The following ALOX12 variants were observed in gnomAD, a reference collection of about 807,000 sequenced individuals.
ALOX12 encodes the protein polyunsaturated fatty acid lipoxygenase ALOX12.
Under a neutral mutation model 85.5 loss-of-function variants are expected in ALOX12, and 62 were observed. The ratio of observed to expected loss-of-function variants is 0.73; its 90% CI spans 0.59 to 0.90. The LOEUF is 0.90. ALOX12 is among the 40% of genes least tolerant of loss of function. ALOX12 has a pLI of 0.00. For missense variants in ALOX12, 751 were observed against 856.5 expected, an observed-to-expected ratio of 0.88 and a Z score of 1.54; for synonymous variants, 299 against 332.7, an observed-to-expected ratio of 0.90 and a Z score of 1.10.
chr17:6,996,732 A>G, intron 1 of ALOX12, 94 bp from the exon 2 acceptor site: 1 of 1,419,760 alleles, frequency 7.0e-7, no homozygotes, highest in South Asian at 1.4e-5. Context: ...GGAGGCCCTG[A>G]GAAACTGAGG....
At chr17:7,009,386 G>C (rs1909271361) in intron 11 of ALOX12, 1 of 216,234 alleles carries the variant, frequency 4.6e-6, no homozygotes, top group African/African-American at 2.3e-5. Context: ...ACCACTTTTT[G>C]AGGCAAGGGA....
rs1421186481 is a variant in ALOX12 at position 6,999,018 on chromosome 17, T to C, written c.608T>C (p.Phe203Ser). The C allele has an allele frequency of 6.2e-7, 1 of 1,614,012 alleles. No individual in the cohort carries two copies. The highest frequency in any genetic ancestry group is 2.2e-5 in the East Asian group (1 of 44,856). Reference sequence around the variant, plus strand: ...AGCTCCTGGAACTGCCTAGAAGACTTTGATCAGATCTTCTGGGGCCAGAAG... The same window carrying C: ...AGCTCCTGGAACTGCCTAGAAGACTCTGATCAGATCTTCTGGGGCCAGAAG... ...LLSSWNCLED[F>S]DQIFWGQKSA... Residue 203 changes from phenylalanine (F) to serine (S), a missense_variant, in exon 5 of 14, where the codon TTT (phenylalanine) becomes TCT (serine). By Grantham distance (155) the Phe-to-Ser change is radical. Transcript: ENST00000251535.
At chr17:7,003,470 A>G (rs912804070) in intron 8 of ALOX12, among the ~76,000 whole-genome samples, 1 of 152,162 alleles carries the variant, frequency 6.6e-6, no homozygotes, top group South Asian at 2.1e-4. Context: ...TCTGTCACCC[A>G]GGCTGGAGTC....
rs1908600750 is a variant in ALOX12 at position 6,999,401 on chromosome 17, C to T, written c.742C>T (p.Pro248Ser). 3 of 1,614,066 alleles carry T rather than the reference C, an allele frequency of 1.9e-6. No individual in the cohort carries two copies. The highest frequency in any genetic ancestry group is 1.3e-5 in the African/African-American group (1 of 74,930). ...GCTGTTGAGACGCTCGACCTCTCTG[C>T]CCTCCAGGCTAGTGCTGCCCTCGGG... ...PMLLRRSTSL[P>S]SRLVLPSGME... Residue 248 changes from proline to serine, a missense_variant, in exon 6 of 14, where the codon CCC becomes TCC. Physicochemically the swap from Pro to Ser is moderately conservative, Grantham distance 74. Transcript: ENST00000251535.
intron 7 of ALOX12, chr17:7,001,139 T>TG (rs1908689540): frequency 6.1e-6 from 1 of 163,878 alleles, no homozygotes; most frequent in African/African-American, 2.4e-5. Flanking sequence ...TTTGTAGAGA[T>TG]GGGGTTTCGC....
At position 6,999,053 on chromosome 17, in the gene ALOX12, G is replaced by C. The variant is rs761601142; in HGVS notation, c.643G>C (p.Ala215Pro). Residue 215 changes from alanine to proline, a missense_variant, in exon 5 of 14, where the codon GCT becomes CCT. Physicochemically the swap from Ala to Pro is conservative, Grantham distance 27. Transcript: ENST00000251535. ...QIFWGQKSAL[A>P]EKVRQCWQDD... The stretch of plus-strand genomic sequence containing the variant: ...CTTCTGGGGCCAGAAGAGTGCCCTG[G>C]CTGGTCAGTGGTTCCCCGAGGTCTC... 1 of 1,613,532 alleles carries C rather than the reference G, an allele frequency of 6.2e-7. No individual in the cohort carries two copies. The highest frequency in any genetic ancestry group is 2.2e-5 in the East Asian group (1 of 44,866).
In ALOX12 at chr17:7,000,952, CTTTT is replaced by C. The variant is rs35418388; in HGVS notation, c.951+482_951+485del. Among the ~76,000 whole-genome samples, 1 of 149,026 alleles carries C rather than the reference CTTTT, an allele frequency of 6.7e-6. No homozygotes were observed. Among genetic ancestry groups the C allele is most frequent in the South Asian group, 2.1e-4 (1 of 4,764 alleles). ...TCTTGAATATCTTTTCTCGCAATTTCTTTTTTTTTTTTGAGACAGAATCTCACTG... is the reference window on the plus strand; with the variant it reads ...TCTTGAATATCTTTTCTCGCAATTTCTTTTTTTTGAGACAGAATCTCACTG... On this transcript the variant is annotated intron_variant, in intron 7 of 13. Transcript: ENST00000251535. This position sits in a 1 kb window ranked among gnomAD's most constrained non-coding sequence, Gnocchi z 4.6.
At chr17:7,002,374 G>A (rs1908751514) in intron 8 of ALOX12, 1 of 408,468 alleles carries the variant, frequency 2.4e-6, no homozygotes, top group Admixed American at 3.1e-5. Flanking sequence ...AAAACGTAGT[G>A]AAGGGAGGAA....
At chr17:6,999,176 A>C in intron 5 of ALOX12, 120 bp downstream of exon 5, 1 of 1,466,142 alleles carries the variant, frequency 6.8e-7, no homozygotes, top group Non-Finnish European at 9.4e-7. Flanking sequence ...GTCAACTCAG[A>C]GAGGCCTTGA....
chr17:7,008,064 ACT>A (rs1158907656), intron 11 of ALOX12, among the ~76,000 whole-genome samples: 6 of 152,062 alleles, frequency 3.9e-5, no homozygotes, highest in African/African-American at 1.4e-4. Flanking sequence ...GCAAGCTAGC[ACT>A]CTGTCCTCTG....
chr17:7,010,013 A>G lies in ALOX12; in HGVS notation c.1699A>G (p.Thr567Ala), dbSNP rs560852503. Residue 567 changes from threonine (T) to alanine (A), a missense_variant, in exon 13 of 14, where the codon ACC becomes GCC. Physicochemically the swap from Thr to Ala is moderately conservative, Grantham distance 58 (BLOSUM62 0). Transcript: ENST00000251535. Reference protein sequence around the residue: ...APCTMRMPPPTTKEDVTMATV... With the variant: ...APCTMRMPPPATKEDVTMATV... ...ATGCACAATGCGGATGCCCCCACCC[A>G]CCACCAAGGAAGATGTGACGATGGC... 4.3e-6 allele frequency: 7 copies of G among 1,614,076 alleles called. No individual in the cohort carries two copies. The highest frequency in any genetic ancestry group is 3.3e-5 in the Admixed American group (2 of 60,004).
chr17:7,001,864 AG>A (rs1250369474), intron 8 of ALOX12, 53 bp downstream of exon 8: 3 of 1,504,142 alleles, frequency 2.0e-6, no homozygotes, highest in Non-Finnish European at 2.8e-6. Flanking sequence ...AGAGAGGAAC[AG>A]CCCCATATCA....
rs1013309180 is a variant in ALOX12 at position 6,999,227 on chromosome 17, C to A, written c.647-79C>A. 9.4e-6 allele frequency: 15 copies of A among 1,587,940 alleles called. No individual in the cohort carries two copies. In the East Asian group the frequency reaches 3.1e-4, roughly 33 times the overall value. On this transcript the variant is annotated intron_variant, in intron 5 of 13. Coordinates refer to ENST00000251535, the MANE Select transcript of ALOX12 (RefSeq NM_000697.3). ...AGCTGGGTTCAGGGAGGGTTATATA[C>A]CTGAACCCCTGGGGTAGATTTTGGA...
At position 7,009,844 on chromosome 17, in the gene ALOX12, C is replaced by T. The variant is rs1400321159; in HGVS notation, c.1638C>T (p.Gly546=). 13 of 1,614,028 alleles carry T rather than the reference C, an allele frequency of 8.1e-6. No homozygotes were observed. In the Admixed American group the frequency reaches 2.0e-4, roughly 25 times the overall value. The part of the protein sequence containing the change: ...CTAQHAAINQ[G]QLDWYAWVPN... Reference sequence around the variant, plus strand: ...CCCAGCATGCCGCCATCAACCAGGGCCAGGTATGGACAGCTGAAAGCCCAG... The same window carrying T: ...CCCAGCATGCCGCCATCAACCAGGGTCAGGTATGGACAGCTGAAAGCCCAG... Residue 546 remains glycine (G), a synonymous_variant, in exon 12 of 14, where the codon GGC becomes GGT. Transcript: ENST00000251535.
rs750978849 is a variant in ALOX12, at chr17:6,996,814, C to T, written c.136-12C>T. 44 of 1,605,676 alleles carry T rather than the reference C, an allele frequency of 2.7e-5. No homozygotes were observed. Among genetic ancestry groups the T allele is most frequent in the Non-Finnish European group, 3.7e-5 (44 of 1,173,836 alleles). On this transcript the variant is annotated splice_polypyrimidine_tract_variant and intron_variant, in intron 1 of 13. Transcript: ENST00000251535. Reference sequence around the variant, plus strand: ...CCTCCTACTAAGTCTGGCCTGGGTCCGGCCTGCACAGGAGGAGGAGTTTGA... The same window carrying T: ...CCTCCTACTAAGTCTGGCCTGGGTCTGGCCTGCACAGGAGGAGGAGTTTGA...
Position 7,010,101 on chromosome 17 carries a change from A to G in ALOX12, c.1787A>G (p.His596Arg). The change falls in exon 13 of 14, where the codon CAT (histidine) becomes CGT (arginine). Residue 596 changes from histidine to arginine, a missense_variant. Coordinates refer to ENST00000251535, the MANE Select transcript of ALOX12 (RefSeq NM_000697.3). ...TGTCTTCAAATGGCCATCTCATGGC[A>G]TCTGAGTCGCCGCCAGCCAGACATG... ...QACLQMAISW[H>R]LSRRQPDMVP... 1.2e-6 allele frequency: 2 copies of G among 1,613,160 alleles called. No individual in the cohort carries two copies. The highest frequency in any genetic ancestry group is 1.7e-6 in the Non-Finnish European group (2 of 1,179,380).
chr17:6,997,889 G>A (rs1484836533), intron 2 of ALOX12, among the ~76,000 whole-genome samples: 1 of 152,072 alleles, frequency 6.6e-6, no homozygotes, highest in Non-Finnish European at 1.5e-5. Flanking sequence ...CATGGGTAAT[G>A]AGTAAAAGAG....
chr17:7,003,520 G>C (rs1908815552), intron 8 of ALOX12, among the ~76,000 whole-genome samples: 2 of 152,130 alleles, frequency 1.3e-5, no homozygotes, highest in Admixed American at 1.3e-4. Context: ...TCAAACTCCT[G>C]GGCTGAAGCG....
intron 11 of ALOX12, among the ~76,000 whole-genome samples, chr17:7,008,808 G>A (rs1320073132): frequency 6.6e-6 from 1 of 152,116 alleles, no homozygotes; most frequent in Non-Finnish European, 1.5e-5. Context: ...TGAGTGGACT[G>A]AGATAACCTT....
Sources: gnomAD v4.1 joint callset for allele counts (sites outside exome capture counted in the v4.1 genomes callset) on GRCh38, gnomAD v4.1.1 for gene constraint, Gnocchi (gnomAD v3.1) non-coding constraint, MANE v1.5 for transcripts, NCBI Gene and HGNC (gene_info 2026-07-23, HGNC 2026-07-21) for gene names.